BRAF: variants seen among roughly 807,000 people sequenced by gnomAD.
BRAF encodes the protein serine/threonine-protein kinase B-raf.
BRAF carries 16 observed loss-of-function variants against 104.6 expected under a neutral mutation model. The ratio of observed to expected loss-of-function variants is 0.15; its 90% CI spans 0.10 to 0.23. The LOEUF (loss-of-function observed/expected upper bound fraction) is 0.23, where lower values mean the gene tolerates loss of function less well. Ranked by LOEUF, BRAF falls within the 10% of genes least tolerant of loss-of-function variation. The pLI, the probability that BRAF is intolerant of heterozygous loss-of-function variation, is 1.00. For missense variants in BRAF, 541 were observed against 937.3 expected (o/e 0.58, Z 5.52); for synonymous variants, 310 against 341.6 (o/e 0.91, Z 1.02).
chr7:140,747,083 A>T (rs1797414713), intron 17 of BRAF, among the ~76,000 whole-genome samples: 1 of 152,206 alleles, frequency 6.6e-6, no homozygotes, highest in Non-Finnish European at 1.5e-5. Context: ...AGATCCAAGT[A>T]TTATAGATAG....
Position 140,720,079 on chromosome 7 carries a change from T to C in BRAF, c.*6415A>G. 9.4e-7 allele frequency: 1 copy of C among 1,060,100 alleles called. No individual in the cohort carries two copies. Among genetic ancestry groups the C allele is most frequent in the Non-Finnish European group, 1.1e-6 (1 of 876,078 alleles). The allele number at this position is 1,060,100 out of a possible 1,614,324, so 65.7% of individuals were successfully genotyped here. The stretch of plus-strand genomic sequence containing the variant: ...TTTCTTGGTCTAAACCAAAGAGCAA[T>C]GACAACTACTGAATAAAATTCAGAG... On this transcript the variant is annotated 3_prime_UTR_variant, in exon 20 of 20. Coordinates refer to ENST00000644969, the MANE Select transcript of BRAF (RefSeq NM_001374258.1).
chr7:140,854,505 A>G (rs958238629), intron 1 of BRAF, among the ~76,000 whole-genome samples: 7 of 151,484 alleles, frequency 4.6e-5, no homozygotes, highest in Non-Finnish European at 1.0e-4. Flanking sequence ...TTTTTTTTCA[A>G]TGTTCCATAA....
intron 1 of BRAF, among the ~76,000 whole-genome samples, chr7:140,877,687 C>T (rs1483049955): frequency 2.0e-5 from 3 of 152,058 alleles, no homozygotes; most frequent in African/African-American, 7.2e-5. Context: ...CTCCCCTACA[C>T]ACAGACATTT....
chr7:140,818,984 T>A (rs1276986220), intron 3 of BRAF, among the ~76,000 whole-genome samples: 1 of 152,216 alleles, frequency 6.6e-6, no homozygotes, highest in Non-Finnish European at 1.5e-5. Context: ...ATCTTCAGTA[T>A]TTCCCTTTTG....
At chr7:140,738,861 C>T (rs893295429) in intron 18 of BRAF, among the ~76,000 whole-genome samples, 1 of 151,960 alleles carries the variant, frequency 6.6e-6, no homozygotes, top group Non-Finnish European at 1.5e-5. Context: ...ACTGATCTGC[C>T]TGCCTTGGCC....
chr7:140,792,123 CCACTAATT>C (rs2129036024), intron 8 of BRAF, among the ~76,000 whole-genome samples: 1 of 152,092 alleles, frequency 6.6e-6, no homozygotes, highest in East Asian at 1.9e-4. Context: ...AAGACTCTTA[CCACTAATT>C]CACTAATTCA....
At chr7:140,787,337 T>C (rs1267279039) in intron 9 of BRAF, among the ~76,000 whole-genome samples, 2 of 148,658 alleles carry the variant, frequency 1.3e-5, no homozygotes, top group Non-Finnish European at 3.0e-5. Context: ...CTTCCTTTTA[T>C]GTCCAGTCAT....
At chr7:140,819,426 A>C (rs894099330) in intron 3 of BRAF, among the ~76,000 whole-genome samples, 6 of 152,238 alleles carry the variant, frequency 3.9e-5, no homozygotes, top group African/African-American at 1.4e-4. Flanking sequence ...CTCATGCTCA[A>C]GGGAAAGTAA....
At chr7:140,807,107 AG>A (rs1803732876) in intron 5 of BRAF, among the ~76,000 whole-genome samples, 1 of 152,164 alleles carries the variant, frequency 6.6e-6, no homozygotes, top group African/African-American at 2.4e-5. Context: ...CTCATCTCTA[AG>A]GTGGAAAGGT....
In BRAF at chr7:140,910,473, T is replaced by C. The variant is rs192306307; in HGVS notation, c.138+14093A>G. The stretch of plus-strand genomic sequence containing the variant: ...AGTGTTATTGTTTAGAAGACTTTTT[T>C]CCCCTCCAAATGAAATCCCAAGCAC... On this transcript the variant is annotated intron_variant, in intron 1 of 19. Coordinates refer to ENST00000644969, the MANE Select transcript of BRAF (RefSeq NM_001374258.1). Among the ~76,000 whole-genome samples, 1,193 of 152,278 alleles carry C rather than the reference T, an allele frequency of 7.8e-3. 44 individuals are homozygous for C. Among genetic ancestry groups the C allele is most frequent in the Admixed American group, 0.057 (864 of 15,278 alleles).
At chr7:140,808,500 A>G (rs1044066324) in intron 4 of BRAF, among the ~76,000 whole-genome samples, 7 of 151,924 alleles carry the variant, frequency 4.6e-5, no homozygotes, top group Non-Finnish European at 7.4e-5. Context: ...TCTTGGAACA[A>G]TGTTAGACAC....
chr7:140,830,167 C>T (rs1016564085), intron 3 of BRAF, among the ~76,000 whole-genome samples: 4 of 152,120 alleles, frequency 2.6e-5, no homozygotes, highest in African/African-American at 9.7e-5. Flanking sequence ...TGAAGTACAT[C>T]CTGAGCTATA....
At chr7:140,717,226 C>G (rs753889686), downstream of BRAF, among the ~76,000 whole-genome samples, 1 of 152,054 alleles carries the variant, frequency 6.6e-6, no homozygotes, top group Admixed American at 6.5e-5. Context: ...ATAAGCCTAG[C>G]GAGTCATATC....
At position 140,924,647 on chromosome 7, in the gene BRAF, G is replaced by T; in HGVS notation, c.57C>A (p.Phe19Leu). 2 of 1,452,568 alleles carry T rather than the reference G, an allele frequency of 1.4e-6. No homozygotes were observed. Among genetic ancestry groups the T allele is most frequent in the Non-Finnish European group, 1.9e-6 (2 of 1,075,526 alleles). The allele number at this position is 1,452,568 out of a possible 1,614,324, so 90.0% of individuals were successfully genotyped here. The part of the protein sequence containing the change: ...GGGAEPGQAL[F>L]NGDMEPEAGA... Reference sequence around the variant, plus strand: ...CGGCCTCGGGCTCCATGTCCCCGTTGAACAGAGCCTGGCCCGGCTCCGCGC... The same window carrying T: ...CGGCCTCGGGCTCCATGTCCCCGTTTAACAGAGCCTGGCCCGGCTCCGCGC... The change falls in exon 1 of 20, where the codon TTC (phenylalanine) becomes TTA (leucine). Residue 19 changes from phenylalanine (F) to leucine (L), a missense_variant. Around this residue, in one of 10 missense-constraint regions of BRAF, gnomAD observed 82 missense variants for 65.9 expected, o/e 1.24. Transcript: ENST00000644969. The surrounding 1 kb of genome is among the most constrained non-coding windows in gnomAD (Gnocchi z 4.2).
At chr7:140,713,421 C>T in the BRAF span, among the ~76,000 whole-genome samples, 1 of 152,206 alleles carries the variant, frequency 6.6e-6, no homozygotes, top group Non-Finnish European at 1.5e-5. Flanking sequence ...GAGGCTTCTG[C>T]ATTCGTCACG....
At chr7:140,768,278 C>G (rs1799518208) in intron 14 of BRAF, among the ~76,000 whole-genome samples, 1 of 151,886 alleles carries the variant, frequency 6.6e-6, no homozygotes, top group Non-Finnish European at 1.5e-5. Context: ...AAAAAAACTG[C>G]AGTAGCAAAG....
intron 5 of BRAF, among the ~76,000 whole-genome samples, chr7:140,806,045 T>C (rs577153562): frequency 4.6e-5 from 7 of 152,318 alleles, no homozygotes; most frequent in Non-Finnish European, 8.8e-5. Flanking sequence ...CTCTGCTTAT[T>C]CTACCCACAA....
At chr7:140,765,586 C>T (rs1354450014) in intron 14 of BRAF, among the ~76,000 whole-genome samples, 1 of 152,030 alleles carries the variant, frequency 6.6e-6, no homozygotes, top group Non-Finnish European at 1.5e-5. Context: ...CTACAAAGAA[C>T]TCAAACAAAT....
At position 140,919,146 on chromosome 7, in the gene BRAF, C is replaced by CA. The variant is rs572137875; in HGVS notation, c.138+5419dup. On this transcript the variant is annotated intron_variant, in intron 1 of 19. Coordinates refer to ENST00000644969, the MANE Select transcript of BRAF (RefSeq NM_001374258.1). ...TGCGAGACAGAGCGAGACTCCGTCT[C>CA]AAAAAAAAAAAAAAAAAAAATTATT... Among the ~76,000 whole-genome samples the CA allele has an allele frequency of 7.9e-3, 723 of 91,524 alleles. 6 individuals carry two copies. Among genetic ancestry groups the CA allele is most frequent in the Admixed American group, 0.02 (159 of 7,916 alleles). 60.0% of individuals were successfully genotyped at this position (91,524 alleles called of 152,430 possible).
Sources: gnomAD v4.1 joint callset for allele counts (sites outside exome capture counted in the v4.1 genomes callset) on GRCh38, gnomAD v4.1.1 for gene constraint, gnomAD v4.1.1 regional missense constraint, Gnocchi (gnomAD v3.1) non-coding constraint, MANE v1.5 for transcripts, NCBI Gene and HGNC (gene_info 2026-07-23, HGNC 2026-07-21) for gene names.